MAGI2: variants seen among roughly 807,000 people sequenced by gnomAD.
MAGI2 encodes the protein membrane-associated guanylate kinase, WW and PDZ domain-containing protein 2.
MAGI2 carries 35 observed loss-of-function variants against 133.3 expected under a neutral mutation model. The observed-to-expected ratio is 0.26, with a 90% CI of 0.20 to 0.35. MAGI2 has a LOEUF of 0.35. Ranked by LOEUF, MAGI2 falls within the 10% of genes least tolerant of loss-of-function variation. The pLI is 1.00. For synonymous variants in MAGI2, 729 were observed against 710.6 expected (o/e 1.03, Z -0.41); for missense variants, 1,636 against 1,863.4 (o/e 0.88, Z 2.25).
chr7:79,292,194 G>T (rs1172143945), intron 1 of MAGI2, among the ~76,000 whole-genome samples: 1 of 152,062 alleles, frequency 6.6e-6, no homozygotes, highest in Non-Finnish European at 1.5e-5. Context: ...TGTCAAAAAC[G>T]AATTTGCCAT....
chr7:79,183,060 A>C (rs1006380128), intron 1 of MAGI2, among the ~76,000 whole-genome samples: 1 of 151,924 alleles, frequency 6.6e-6, no homozygotes, highest in Non-Finnish European at 1.5e-5. Flanking sequence ...GGGAGGCAGA[A>C]GGGGATAAAC....
chr7:78,064,938 G>C (rs998861025), intron 21 of MAGI2, among the ~76,000 whole-genome samples: 1 of 151,996 alleles, frequency 6.6e-6, no homozygotes, highest in African/African-American at 2.4e-5. Context: ...TATTCCTTTT[G>C]AAACAGTAGC....
intron 1 of MAGI2, among the ~76,000 whole-genome samples, chr7:79,252,156 C>CAAAAA (rs1208897198): frequency 2.3e-4 from 24 of 102,544 alleles, no homozygotes; most frequent in African/African-American, 3.2e-4. Flanking sequence ...GACCCTGTCT[C>CAAAAA]AAAAAAAAAA....
At chr7:78,118,298 C>T (rs916031617) in intron 20 of MAGI2, among the ~76,000 whole-genome samples, 3 of 152,060 alleles carry the variant, frequency 2.0e-5, no homozygotes, top group African/African-American at 7.2e-5. Flanking sequence ...TTGGCAATGA[C>T]TTTTTAGATA....
intron 2 of MAGI2, among the ~76,000 whole-genome samples, chr7:79,001,568 C>T (rs981415748): frequency 3.9e-5 from 6 of 152,060 alleles, no homozygotes; most frequent in South Asian, 2.1e-4. Context: ...AATAAACAGC[C>T]GTGATTATTT....
rs1177121456 is a variant in MAGI2 at position 78,427,649 on chromosome 7, A to AAG, written c.1046-58437_1046-58436insCT. ...ATACCACTCTTTCAGTAACTGAGAG[A>AAG]ACAAAAAGACAAAAAAAAAAAAAAA... On this transcript the variant is annotated intron_variant, in intron 6 of 21. Transcript: ENST00000354212. 3.3e-4 allele frequency among the ~76,000 whole-genome samples: 46 copies of AAG among 140,464 alleles called. 1 individual carries two copies. Among genetic ancestry groups the AAG allele is most frequent in the African/African-American group, 1.3e-3 (41 of 31,510 alleles). 92.1% of individuals were successfully genotyped at this position (140,464 alleles called of 152,430 possible). A position where few individuals can be genotyped will look rare whatever the true frequency, so the allele number is the denominator to read the frequency against.
intron 2 of MAGI2, among the ~76,000 whole-genome samples, chr7:78,844,478 G>C (rs1266293228): frequency 1.3e-5 from 2 of 151,804 alleles, no homozygotes; most frequent in African/African-American, 4.8e-5. Context: ...AACTATAAAA[G>C]AGAATAAAAA....
intron 1 of MAGI2, among the ~76,000 whole-genome samples, chr7:79,258,460 C>G (rs1425086844): frequency 6.6e-6 from 1 of 152,148 alleles, no homozygotes; most frequent in Non-Finnish European, 1.5e-5. Context: ...TCCACAATGC[C>G]ATTAATCACA....
chr7:78,614,815 A>C (rs1397211817), intron 3 of MAGI2: 1 of 152,246 alleles, frequency 6.6e-6, no homozygotes, highest in Non-Finnish European at 1.5e-5. Flanking sequence ...TATTCTAATT[A>C]GGTGAATATT....
chr7:79,346,439 T>C (rs1841318753), intron 1 of MAGI2, among the ~76,000 whole-genome samples: 1 of 151,992 alleles, frequency 6.6e-6, no homozygotes, highest in African/African-American at 2.4e-5. Flanking sequence ...TAAATTTCCC[T>C]AAACAGCTTT....
At chr7:78,864,225 C>T (rs508287) in intron 2 of MAGI2, among the ~76,000 whole-genome samples, 144,049 of 152,282 alleles carry the variant, frequency 0.95, 68,547 homozygotes, top group Non-Finnish European at 1. Flanking sequence ...CTTACCCTTA[C>T]AACAAAAAAT....
chr7:78,586,463 C>G (rs1803424977), intron 3 of MAGI2, among the ~76,000 whole-genome samples: 2 of 151,746 alleles, frequency 1.3e-5, no homozygotes, highest in Non-Finnish European at 2.9e-5. Context: ...AGAAAAGGCT[C>G]AAAGTTTTAA....
chr7:78,146,490 C>G (rs960027815), intron 16 of MAGI2, among the ~76,000 whole-genome samples: 1 of 151,960 alleles, frequency 6.6e-6, no homozygotes, highest in African/African-American at 2.4e-5. Flanking sequence ...TTTTATGTAC[C>G]CAACGTTTAA....
chr7:78,177,686 C>T (rs1282975878), intron 14 of MAGI2, among the ~76,000 whole-genome samples: 1 of 152,106 alleles, frequency 6.6e-6, no homozygotes, highest in Non-Finnish European at 1.5e-5. Context: ...TGGGTGTTAC[C>T]TCTACTCATA....
At chr7:78,060,665 C>T (rs951280956) in intron 21 of MAGI2, among the ~76,000 whole-genome samples, 6 of 152,154 alleles carry the variant, frequency 3.9e-5, no homozygotes, top group South Asian at 4.1e-4. Context: ...AAGCTTTGGA[C>T]CTGGATCTTG....
chr7:79,339,012 A>C (rs1289894153), intron 1 of MAGI2, among the ~76,000 whole-genome samples: 4 of 152,150 alleles, frequency 2.6e-5, no homozygotes, highest in African/African-American at 9.7e-5. Flanking sequence ...ATAATCTTCA[A>C]CTTGGCGGTC....
Position 78,178,109 on chromosome 7 carries a change from TA to T in MAGI2, c.2312-8del. ...AATTCCTTATAATCTGGACCTGGCA[TA>T]AAGGAGATCCCATTGAGTAATGAAT... On this transcript the variant is annotated splice_polypyrimidine_tract_variant and splice_region_variant and intron_variant, in intron 13 of 21. Coordinates refer to ENST00000354212, the MANE Select transcript of MAGI2 (RefSeq NM_012301.4). 1.3e-6 allele frequency: 2 copies of T among 1,581,798 alleles called. No individual in the cohort carries two copies. Among genetic ancestry groups the T allele is most frequent in the Non-Finnish European group, 1.7e-6 (2 of 1,151,048 alleles).
chr7:78,533,192 A>G (rs914710973), intron 3 of MAGI2, among the ~76,000 whole-genome samples: 7 of 152,166 alleles, frequency 4.6e-5, no homozygotes, highest in Admixed American at 2.6e-4. Context: ...TACCTCTTCT[A>G]CTCATCACAT....
intron 2 of MAGI2, among the ~76,000 whole-genome samples, chr7:78,631,821 G>C (rs1261606506): frequency 6.6e-6 from 1 of 152,170 alleles, no homozygotes; most frequent in African/African-American, 2.4e-5. Flanking sequence ...TAAAATGTAT[G>C]ATATTTTGAA....
Sources: allele counts gnomAD v4.1 joint callset (sites outside exome capture counted in the v4.1 genomes callset), GRCh38; gene constraint gnomAD v4.1.1; transcripts MANE v1.5; gene names NCBI Gene and HGNC (gene_info 2026-07-23, HGNC 2026-07-21).